Variants in GFOD1 observed in about 807,000 individuals in gnomAD.
The protein encoded by GFOD1 is glucose-fructose oxidoreductase domain-containing protein 1.
Under a neutral mutation model 25.4 loss-of-function variants are expected in GFOD1, and 9 were observed. The ratio of observed to expected loss-of-function variants is 0.35; its 90% CI spans 0.21 to 0.62. The LOEUF is 0.62. GFOD1 is among the 20% of genes least tolerant of loss of function. The pLI is 0.72. For synonymous variants in GFOD1, 253 were observed against 245.6 expected (o/e 1.03, Z -0.28); for missense variants, 403 against 556.9 (o/e 0.72, Z 2.78).
At chr6:13,479,703 C>T (rs1758705767) in intron 1 of GFOD1, among the ~76,000 whole-genome samples, 1 of 152,180 alleles carries the variant, frequency 6.6e-6, no homozygotes, top group Admixed American at 6.5e-5. Context: ...CAGATATCCT[C>T]AACAAAATAA....
intron 1 of GFOD1, among the ~76,000 whole-genome samples, chr6:13,394,176 TATC>T (rs950842188): frequency 2.0e-5 from 3 of 152,196 alleles, no homozygotes; most frequent in Admixed American, 6.5e-5. Flanking sequence ...AGTCACACAT[TATC>T]TTTTTCATAA....
intron 1 of GFOD1, chr6:13,407,940 C>T: frequency 1.0e-6 from 1 of 985,284 alleles, no homozygotes; most frequent in Non-Finnish European, 1.2e-6. Context: ...GATTGCCCAA[C>T]CAAAGAGCAG....
At chr6:13,455,757 A>G (rs2841564) in intron 1 of GFOD1, among the ~76,000 whole-genome samples, 90,846 of 152,104 alleles carry the variant, frequency 0.6, 30,778 homozygotes, top group South Asian at 0.82. Flanking sequence ...ACCTTGCCCC[A>G]TGACTTGCCT....
intron 1 of GFOD1, among the ~76,000 whole-genome samples, chr6:13,433,697 C>T (rs1055988558): frequency 6.6e-6 from 1 of 152,044 alleles, no homozygotes; most frequent in African/African-American, 2.4e-5. Context: ...ATGTTGCATT[C>T]CCTCTCTCTT....
At chr6:13,434,082 A>G (rs1315886317) in intron 1 of GFOD1, among the ~76,000 whole-genome samples, 2 of 152,248 alleles carry the variant, frequency 1.3e-5, no homozygotes, top group Non-Finnish European at 2.9e-5. Context: ...GGAGGCCACA[A>G]TGGGAACGGG....
chr6:13,405,840 T>C (rs1785934491), intron 1 of GFOD1, among the ~76,000 whole-genome samples: 1 of 152,098 alleles, frequency 6.6e-6, no homozygotes, highest in African/African-American at 2.4e-5. Context: ...GAGTTGAAGA[T>C]AAAGTGAACA....
rs867397583 is a variant in GFOD1, at chr6:13,403,110, T to A, written c.254-37448A>T. On this transcript the variant is annotated intron_variant, in intron 1 of 1. Transcript: ENST00000379287. Reference sequence around the variant, plus strand: ...TTTTGTTGTGTGTGTGTGTGTGTGGTTTTTTTTTTTTTTTTGGTATTTTTT... The same window carrying A: ...TTTTGTTGTGTGTGTGTGTGTGTGGATTTTTTTTTTTTTTTGGTATTTTTT... 1.7e-3 allele frequency among the ~76,000 whole-genome samples: 206 copies of A among 120,346 alleles called. 1 individual carries two copies. Among genetic ancestry groups the A allele is most frequent in the African/African-American group, 6.2e-3 (197 of 31,714 alleles). The allele number at this position is 120,346 out of a possible 152,430, so 79.0% of individuals were successfully genotyped here.
Position 13,469,221 on chromosome 6 carries a change from C to G in GFOD1, c.253+17417G>C, listed in dbSNP as rs372054463. ...TCCCTGTTGGTAACAGCACCACACT[C>G]AGCCTGGAGCACACCAGAACAGATG... On this transcript the variant is annotated intron_variant, in intron 1 of 1. Coordinates refer to ENST00000379287, the MANE Select transcript of GFOD1 (RefSeq NM_018988.4). 75 of 984,710 alleles carry G rather than the reference C, an allele frequency of 7.6e-5. 4 individuals are homozygous for G. In the African/African-American group the frequency reaches 1.2e-3, roughly 16 times the overall value. The allele number at this position is 984,710 out of a possible 1,614,324, so 61.0% of individuals were successfully genotyped here.
intron 1 of GFOD1, among the ~76,000 whole-genome samples, chr6:13,483,320 G>A (rs934248333): frequency 6.6e-6 from 1 of 152,110 alleles, no homozygotes; most frequent in African/African-American, 2.4e-5. Context: ...CAGAGACCTG[G>A]ACATGTGCGC....
rs1319854276 is a variant in GFOD1, at chr6:13,358,478, T to A, written c.*6265A>T. 3 of 152,098 alleles carry A rather than the reference T, an allele frequency of 2.0e-5. No homozygotes were observed. Among genetic ancestry groups the A allele is most frequent in the African/African-American group, 7.2e-5 (3 of 41,396 alleles). 9.4% of individuals were successfully genotyped at this position (152,098 alleles called of 1,614,324 possible). On this transcript the variant is annotated 3_prime_UTR_variant, in exon 2 of 2. Transcript: ENST00000379287. ...ACCAGGCAGCAGACAGAAAGTCACA[T>A]TTGCTAGAAACTTCTCCCTCCCCTG...
intron 1 of GFOD1, among the ~76,000 whole-genome samples, chr6:13,461,523 G>A (rs1208999027): frequency 6.6e-6 from 1 of 152,090 alleles, no homozygotes; most frequent in African/African-American, 2.4e-5. Context: ...GCCGGCCCCC[G>A]CTTGTTTTTA....
chr6:13,393,022 A>G (rs536568410), intron 1 of GFOD1, among the ~76,000 whole-genome samples: 30 of 152,236 alleles, frequency 2.0e-4, no homozygotes, highest in Non-Finnish European at 3.5e-4. Flanking sequence ...TGACTGTGCC[A>G]TTGCATTCCA....
At chr6:13,483,482 G>GGAAA in intron 1 of GFOD1, among the ~76,000 whole-genome samples, 1 of 152,268 alleles carries the variant, frequency 6.6e-6, no homozygotes, top group African/African-American at 2.4e-5. Flanking sequence ...TCCTGAAAGG[G>GGAAA]GAAACGATGA....
intron 1 of GFOD1, among the ~76,000 whole-genome samples, chr6:13,393,368 CAAAAAA>C (rs70989853): frequency 1.4e-4 from 10 of 72,488 alleles, no homozygotes; most frequent in Admixed American, 3.6e-4. Flanking sequence ...AAACAACCAC[CAAAAAA>C]AAAAAAAAAA....
At chr6:13,480,085 C>T (rs922205943) in intron 1 of GFOD1, among the ~76,000 whole-genome samples, 1 of 152,164 alleles carries the variant, frequency 6.6e-6, no homozygotes, top group African/African-American at 2.4e-5. Flanking sequence ...CCTGGCAGCC[C>T]TCTTCAACAT....
At chr6:13,390,239 A>G (rs868595658) in intron 1 of GFOD1, among the ~76,000 whole-genome samples, 1 of 152,220 alleles carries the variant, frequency 6.6e-6, no homozygotes, top group Non-Finnish European at 1.5e-5. Flanking sequence ...ACTCTATTAC[A>G]GTGAGGTAGT....
chr6:13,372,999 G>A (rs754220390), intron 1 of GFOD1, among the ~76,000 whole-genome samples: 2 of 152,118 alleles, frequency 1.3e-5, no homozygotes, highest in African/African-American at 4.8e-5. Flanking sequence ...TTTTTTCCTC[G>A]CATTTGCAGA....
At chr6:13,414,732 C>T (rs1254917693) in intron 1 of GFOD1, among the ~76,000 whole-genome samples, 2 of 152,208 alleles carry the variant, frequency 1.3e-5, no homozygotes, top group Non-Finnish European at 2.9e-5. Context: ...ATCTAAACTT[C>T]TAAAGGGGTT....
intron 1 of GFOD1, among the ~76,000 whole-genome samples, chr6:13,477,028 G>A (rs1460832505): frequency 6.6e-6 from 1 of 152,200 alleles, no homozygotes; most frequent in Non-Finnish European, 1.5e-5. Context: ...CTCCTGCTTT[G>A]AGGACAAGTG....
Sources: gnomAD v4.1 joint callset for allele counts (sites outside exome capture counted in the v4.1 genomes callset) on GRCh38, gnomAD v4.1.1 for gene constraint, MANE v1.5 for transcripts, NCBI Gene and HGNC (gene_info 2026-07-23, HGNC 2026-07-21) for gene names.